CDH18: variants seen among roughly 807,000 people sequenced by gnomAD.
CDH18 encodes the protein cadherin-18.
A neutral mutation model predicts 67.9 loss-of-function variants in CDH18; 31 were observed. That is an observed-to-expected ratio of 0.46 (90% CI 0.34 to 0.62). The LOEUF (loss-of-function observed/expected upper bound fraction) is 0.62, where lower values mean the gene tolerates loss of function less well. Ranked by LOEUF, CDH18 falls within the 20% of genes least tolerant of loss-of-function variation. The probability of loss-of-function intolerance (pLI) is 0.01; values close to 1 mark genes in which losing one functional copy is unlikely to be tolerated. For missense variants in CDH18, 890 were observed against 975.5 expected (o/e 0.91, Z 1.17); for synonymous variants, 362 against 347.2 (o/e 1.04, Z -0.48).
intron 1 of CDH18, among the ~76,000 whole-genome samples, chr5:20,527,437 A>C (rs981655055): frequency 5.9e-5 from 9 of 152,052 alleles, no homozygotes; most frequent in Non-Finnish European, 1.3e-4. Context: ...CCACAAGATC[A>C]ACCCCAAGAC....
chr5:19,598,390 C>T (rs989188264), intron 6 of CDH18, among the ~76,000 whole-genome samples: 1 of 152,026 alleles, frequency 6.6e-6, no homozygotes, highest in African/African-American at 2.4e-5. Context: ...CAACTTTACG[C>T]TGGGCATTTA....
At chr5:19,993,239 C>A (rs1403521507) in intron 2 of CDH18, among the ~76,000 whole-genome samples, 1 of 152,000 alleles carries the variant, frequency 6.6e-6, no homozygotes, top group African/African-American at 2.4e-5. Flanking sequence ...AGACTTAGAA[C>A]CAAAACCTGT....
At chr5:20,054,591 T>C (rs902234734) in intron 2 of CDH18, among the ~76,000 whole-genome samples, 1 of 152,168 alleles carries the variant, frequency 6.6e-6, no homozygotes, top group African/African-American at 2.4e-5. Context: ...ATCTCCCTTA[T>C]AGTTTCTGCT....
chr5:20,378,024 G>A (rs1256483918), intron 1 of CDH18, among the ~76,000 whole-genome samples: 2 of 152,120 alleles, frequency 1.3e-5, no homozygotes, highest in Non-Finnish European at 2.9e-5. Context: ...AAAGCTGGCT[G>A]TTGAAGTGTC....
chr5:19,812,076 A>G (rs557371668), intron 3 of CDH18, among the ~76,000 whole-genome samples: 1 of 152,322 alleles, frequency 6.6e-6, no homozygotes, highest in South Asian at 2.1e-4. Flanking sequence ...ACAAAATGCT[A>G]GACAAAAATA....
chr5:20,017,288 G>A (rs1277698181), intron 2 of CDH18, among the ~76,000 whole-genome samples: 1 of 151,980 alleles, frequency 6.6e-6, no homozygotes, highest in African/African-American at 2.4e-5. Flanking sequence ...ACTATGGTAG[G>A]AAAATAAAAG....
chr5:19,700,604 C>T, intron 5 of CDH18, among the ~76,000 whole-genome samples: 1 of 152,156 alleles, frequency 6.6e-6, no homozygotes, highest in East Asian at 1.9e-4. Flanking sequence ...TTAATGTGTG[C>T]ATTTGCTCTT....
intron 3 of CDH18, among the ~76,000 whole-genome samples, chr5:19,762,405 C>A (rs1351042049): frequency 1.3e-5 from 2 of 152,002 alleles, no homozygotes; most frequent in African/African-American, 4.8e-5. Context: ...AGAAAAAAAT[C>A]AAACAACCCC....
At chr5:19,691,182 G>A (rs547588055) in intron 5 of CDH18, among the ~76,000 whole-genome samples, 10 of 142,196 alleles carry the variant, frequency 7.0e-5, no homozygotes, top group African/African-American at 2.5e-4. Flanking sequence ...AAAACAGAGA[G>A]TCACATAAGA....
At chr5:20,281,294 C>T (rs1345780534) in intron 1 of CDH18, among the ~76,000 whole-genome samples, 2 of 152,138 alleles carry the variant, frequency 1.3e-5, no homozygotes, top group Non-Finnish European at 2.9e-5. Context: ...TGCCTATGTC[C>T]TGAATGGTAT....
At chr5:19,990,230 G>A (rs1799906090), upstream of CDH18, among the ~76,000 whole-genome samples, 1 of 152,198 alleles carries the variant, frequency 6.6e-6, no homozygotes, top group Non-Finnish European at 1.5e-5. Flanking sequence ...TAGTTTAATT[G>A]TTAAAATTCA....
chr5:19,719,274 G>C (rs1765710770), intron 5 of CDH18, among the ~76,000 whole-genome samples: 2 of 151,798 alleles, frequency 1.3e-5, no homozygotes, highest in South Asian at 4.1e-4. Context: ...ATCGTTAATG[G>C]ACTAATGTCA....
At chr5:20,387,227 G>C (rs1392967544) in intron 1 of CDH18, among the ~76,000 whole-genome samples, 2 of 152,088 alleles carry the variant, frequency 1.3e-5, no homozygotes, top group Non-Finnish European at 2.9e-5. Context: ...CCACTTGTTT[G>C]TATCCTTTAT....
chr5:19,634,583 T>A (rs1752852690), intron 5 of CDH18, among the ~76,000 whole-genome samples: 2 of 152,198 alleles, frequency 1.3e-5, no homozygotes, highest in African/African-American at 4.8e-5. Flanking sequence ...TTTTATGTTA[T>A]CATGTGCCCA....
chr5:19,479,082 A>C (rs1466796691), intron 12 of CDH18, among the ~76,000 whole-genome samples: 2 of 152,236 alleles, frequency 1.3e-5, no homozygotes, highest in African/African-American at 4.8e-5. Context: ...AACAAGAATA[A>C]GCATTTCAAA....
chr5:20,309,366 G>A (rs1176290094), intron 1 of CDH18, among the ~76,000 whole-genome samples: 2 of 152,020 alleles, frequency 1.3e-5, no homozygotes, highest in Middle Eastern at 3.2e-3. Flanking sequence ...CCTCGTCCCC[G>A]TGGCACACTG....
At chr5:20,028,806 C>G (rs1219113428) in intron 2 of CDH18, among the ~76,000 whole-genome samples, 1 of 152,030 alleles carries the variant, frequency 6.6e-6, no homozygotes, top group African/African-American at 2.4e-5. Flanking sequence ...TTGCTTATTT[C>G]TGCAATTTGT....
chr5:19,553,790 G>A (rs920006523), intron 8 of CDH18, among the ~76,000 whole-genome samples: 2 of 151,756 alleles, frequency 1.3e-5, no homozygotes, highest in African/African-American at 4.8e-5. Context: ...ATAGGTGTAT[G>A]CCACCCTAAT....
At chr5:19,811,678 A>T (rs1435190766) in intron 3 of CDH18, among the ~76,000 whole-genome samples, 1 of 152,212 alleles carries the variant, frequency 6.6e-6, no homozygotes, top group Admixed American at 6.5e-5. Flanking sequence ...AACACAAGGG[A>T]CATAGTGGTA....
Sources: allele counts gnomAD v4.1 joint callset (sites outside exome capture counted in the v4.1 genomes callset), GRCh38; gene constraint gnomAD v4.1.1; transcripts MANE v1.5; gene names NCBI Gene and HGNC (gene_info 2026-07-23, HGNC 2026-07-21).